Variants in INSYN2B observed in about 807,000 individuals in gnomAD.
INSYN2B encodes the protein protein INSYN2B.
INSYN2B carries 16 observed loss-of-function variants against 41.2 expected under a neutral mutation model. The observed-to-expected ratio is 0.39, with a 90% CI of 0.26 to 0.59. The LOEUF (loss-of-function observed/expected upper bound fraction) is 0.59, where lower values mean the gene tolerates loss of function less well. INSYN2B is among the 20% of genes least tolerant of loss of function. The probability of loss-of-function intolerance (pLI) is 0.57; values close to 1 mark genes in which losing one functional copy is unlikely to be tolerated. For missense variants in INSYN2B, 608 were observed against 646.4 expected, an observed-to-expected ratio of 0.94 and a Z score of 0.64; for synonymous variants, 245 against 244.4, an observed-to-expected ratio of 1.00 and a Z score of -0.02.
At chr5:169,944,110 C>T (rs1181436398) in intron 1 of INSYN2B, among the ~76,000 whole-genome samples, 1 of 152,188 alleles carries the variant, frequency 6.6e-6, no homozygotes, top group East Asian at 1.9e-4. Flanking sequence ...TTAACACTAA[C>T]CATGGCTCCC....
intron 1 of INSYN2B, among the ~76,000 whole-genome samples, chr5:169,976,092 T>C (rs1777708022): frequency 6.6e-6 from 1 of 152,236 alleles, no homozygotes; most frequent in Non-Finnish European, 1.5e-5. Context: ...AACATTCTTT[T>C]GGAGATGGGA....
intron 3 of INSYN2B, among the ~76,000 whole-genome samples, chr5:169,877,036 G>A (rs558702914): frequency 1.9e-4 from 29 of 152,320 alleles, no homozygotes; most frequent in South Asian, 6.2e-4. Flanking sequence ...TGGCATGGGG[G>A]TCCTTCTGGG....
At chr5:169,973,282 A>G (rs1777594212) in intron 1 of INSYN2B, among the ~76,000 whole-genome samples, 1 of 152,122 alleles carries the variant, frequency 6.6e-6, no homozygotes, top group Non-Finnish European at 1.5e-5. Flanking sequence ...AGCTGCCCTC[A>G]TTTCCACAGG....
intron 1 of INSYN2B, among the ~76,000 whole-genome samples, chr5:169,964,999 C>A (rs1048668335): frequency 6.6e-6 from 1 of 152,148 alleles, no homozygotes; most frequent in Non-Finnish European, 1.5e-5. Context: ...GAGAAGGAGC[C>A]AGGTCTGATT....
chr5:169,899,106 T>C (rs1337130037), intron 1 of INSYN2B, among the ~76,000 whole-genome samples: 2 of 152,134 alleles, frequency 1.3e-5, no homozygotes, highest in Admixed American at 6.6e-5. Flanking sequence ...AAATGGCTGA[T>C]TTGTGGATTA....
intron 3 of INSYN2B, among the ~76,000 whole-genome samples, chr5:169,870,567 G>C (rs261023): frequency 6.6e-6 from 1 of 151,846 alleles, no homozygotes; most frequent in Non-Finnish European, 1.5e-5. Flanking sequence ...AGATCTGTGG[G>C]TTTTTTTCTT....
At chr5:169,890,921 A>G (rs1773245018) in intron 1 of INSYN2B, among the ~76,000 whole-genome samples, 1 of 152,150 alleles carries the variant, frequency 6.6e-6, no homozygotes, top group African/African-American at 2.4e-5. Flanking sequence ...AATCTTGATA[A>G]TATTTAATCA....
intron 3 of INSYN2B, among the ~76,000 whole-genome samples, chr5:169,880,608 A>T (rs1772585722): frequency 1.3e-5 from 2 of 152,240 alleles, no homozygotes; most frequent in African/African-American, 4.8e-5. Flanking sequence ...AAACAGGTAT[A>T]AACCCTTGCA....
At chr5:169,910,877 G>A (rs2113618451) in intron 1 of INSYN2B, among the ~76,000 whole-genome samples, 1 of 152,306 alleles carries the variant, frequency 6.6e-6, no homozygotes, top group African/African-American at 2.4e-5. Flanking sequence ...GGTTTCTCCT[G>A]CAGGGGGTTG....
chr5:169,940,369 C>T (rs1354431102), intron 1 of INSYN2B, among the ~76,000 whole-genome samples: 1 of 152,180 alleles, frequency 6.6e-6, no homozygotes, highest in Non-Finnish European at 1.5e-5. Flanking sequence ...GCATCTAATG[C>T]AATGGTCTCC....
intron 1 of INSYN2B, among the ~76,000 whole-genome samples, chr5:169,978,400 G>GT (rs1777806871): frequency 7.2e-6 from 1 of 139,772 alleles, no homozygotes; most frequent in African/African-American, 2.7e-5. Context: ...TGTGGGGGGG[G>GT]GGGGGTGTAG....
chr5:169,896,907 G>A (rs1049974588), intron 1 of INSYN2B, among the ~76,000 whole-genome samples: 6 of 152,132 alleles, frequency 3.9e-5, no homozygotes, highest in Admixed American at 2.6e-4. Context: ...AGTTAATAAA[G>A]AGGAGAAAAA....
At chr5:169,929,034 A>G (rs1775615493) in intron 1 of INSYN2B, among the ~76,000 whole-genome samples, 1 of 152,192 alleles carries the variant, frequency 6.6e-6, no homozygotes, top group Admixed American at 6.5e-5. Context: ...CCCTGAGAAG[A>G]GCAGATGGAA....
chr5:169,887,934 A>G (rs897264948), intron 1 of INSYN2B, among the ~76,000 whole-genome samples: 27 of 152,252 alleles, frequency 1.8e-4, no homozygotes, highest in African/African-American at 6.3e-4. Context: ...CATTGCCAAT[A>G]AAGTAGAAAA....
intron 1 of INSYN2B, among the ~76,000 whole-genome samples, chr5:169,908,367 A>G (rs963576855): frequency 3.3e-5 from 5 of 152,158 alleles, no homozygotes; most frequent in Non-Finnish European, 5.9e-5. Context: ...TCACATGCAT[A>G]TAGGCATACT....
intron 1 of INSYN2B, among the ~76,000 whole-genome samples, chr5:169,962,070 G>A (rs1156895371): frequency 6.6e-6 from 1 of 151,888 alleles, no homozygotes; most frequent in Non-Finnish European, 1.5e-5. Context: ...CAGTGTGTCT[G>A]AGCAGAGTGG....
chr5:169,920,234 C>T (rs557774622), intron 1 of INSYN2B, among the ~76,000 whole-genome samples: 1 of 151,936 alleles, frequency 6.6e-6, no homozygotes, highest in Non-Finnish European at 1.5e-5. Flanking sequence ...ATTGCTGGCA[C>T]CATAATAATG....
rs185040850 is a variant in INSYN2B at position 169,862,840 on chromosome 5, G to A, written c.*1433C>T. On this transcript the variant is annotated 3_prime_UTR_variant, in exon 4 of 4. Transcript: ENST00000377365. The stretch of plus-strand genomic sequence containing the variant: ...TTGCAGTGGGGTAGGTACATCCCAC[G>A]AACACACAGGATTCTGTGCTCTGCA... 5.3e-5 allele frequency among the ~76,000 whole-genome samples: 8 copies of A among 152,322 alleles called. No individual in the cohort carries two copies. In the South Asian group the frequency reaches 1.2e-3, roughly 24 times the overall value.
intron 1 of INSYN2B, among the ~76,000 whole-genome samples, chr5:169,942,369 A>T (rs1200340794): frequency 1.3e-5 from 2 of 152,200 alleles, no homozygotes; most frequent in Admixed American, 1.3e-4. Flanking sequence ...GAGGAGAAAT[A>T]TGTAAAGATG....
Sources: allele counts gnomAD v4.1 joint callset (sites outside exome capture counted in the v4.1 genomes callset), GRCh38; gene constraint gnomAD v4.1.1; transcripts MANE v1.5; gene names NCBI Gene and HGNC (gene_info 2026-07-23, HGNC 2026-07-21).